FMN2: variants seen among roughly 807,000 people sequenced by gnomAD.
The protein encoded by FMN2 is formin-2.
A neutral mutation model predicts 142.3 loss-of-function variants in FMN2; 51 were observed. The ratio of observed to expected loss-of-function variants is 0.36; its 90% CI spans 0.29 to 0.45. The LOEUF is 0.45. Ranked by LOEUF, FMN2 falls within the 20% of genes least tolerant of loss-of-function variation. The probability of loss-of-function intolerance (pLI) is 1.00; values close to 1 mark genes in which losing one functional copy is unlikely to be tolerated. For synonymous variants in FMN2, 882 were observed against 869.8 expected (o/e 1.01, Z -0.25); for missense variants, 1,936 against 2,122.8 (o/e 0.91, Z 1.73).
intron 13 of FMN2, chr1:240,341,307 A>G (rs894327029): frequency 1.3e-5 from 2 of 152,148 alleles, no homozygotes; most frequent in African/African-American, 4.8e-5. Flanking sequence ...TTTCATCTGA[A>G]ATGAATTCAT....
intron 6 of FMN2, among the ~76,000 whole-genome samples, chr1:240,243,491 C>A (rs1471070519): frequency 6.6e-6 from 1 of 152,134 alleles, no homozygotes; most frequent in Admixed American, 6.5e-5. Context: ...TATTTCTTAT[C>A]GCCTTCTATT....
intron 6 of FMN2, chr1:240,245,534 G>A (rs1668048270): frequency 4.2e-6 from 2 of 471,530 alleles, no homozygotes; most frequent in South Asian, 1.5e-5. Flanking sequence ...AGCTCTAGGG[G>A]TTGTGAAATA....
At chr1:240,406,379 G>C (rs1674200341) in intron 15 of FMN2, among the ~76,000 whole-genome samples, 1 of 147,538 alleles carries the variant, frequency 6.8e-6, no homozygotes, top group South Asian at 2.2e-4. Context: ...AAGCAGCCTC[G>C]GGAGTGGGGG....
intron 8 of FMN2, among the ~76,000 whole-genome samples, chr1:240,303,531 CTTA>C (rs1670278316): frequency 6.6e-6 from 1 of 152,164 alleles, no homozygotes; most frequent in Non-Finnish European, 1.5e-5. Flanking sequence ...TGCAGAGATT[CTTA>C]TTGAGCATTT....
chr1:240,444,343 G>T (rs1282634981), intron 16 of FMN2, among the ~76,000 whole-genome samples: 2 of 152,344 alleles, frequency 1.3e-5, no homozygotes, highest in South Asian at 2.1e-4. Flanking sequence ...CGTGGAGCAA[G>T]TGTAGGATTT....
At chr1:240,132,728 C>T (rs761690165) in intron 2 of FMN2, among the ~76,000 whole-genome samples, 3 of 151,996 alleles carry the variant, frequency 2.0e-5, no homozygotes, top group Non-Finnish European at 2.9e-5. Context: ...GAGTGGGTTA[C>T]GCTCAGGATG....
chr1:240,120,748 AAG>A (rs779735212), intron 1 of FMN2, among the ~76,000 whole-genome samples: 2 of 152,226 alleles, frequency 1.3e-5, no homozygotes, highest in Non-Finnish European at 2.9e-5. Flanking sequence ...AATTTGAAGA[AAG>A]AATCTGCTAA....
chr1:240,434,125 C>T (rs1012797976), intron 15 of FMN2, among the ~76,000 whole-genome samples: 2 of 152,188 alleles, frequency 1.3e-5, no homozygotes, highest in African/African-American at 2.4e-5. Flanking sequence ...TGTTCAGTGA[C>T]ATCTGGAGTT....
chr1:240,282,578 A>T (rs1669435903), intron 7 of FMN2, among the ~76,000 whole-genome samples: 1 of 152,138 alleles, frequency 6.6e-6, no homozygotes, highest in African/African-American at 2.4e-5. Context: ...ATTACTCACG[A>T]GCGTGTGTGC....
intron 15 of FMN2, among the ~76,000 whole-genome samples, chr1:240,420,457 C>T (rs1674724191): frequency 6.6e-6 from 1 of 152,154 alleles, no homozygotes; most frequent in African/African-American, 2.4e-5. Context: ...GATCTCTTAC[C>T]CCTTTTCAGG....
intron 2 of FMN2, among the ~76,000 whole-genome samples, chr1:240,130,034 T>C (rs1662673119): frequency 6.6e-6 from 1 of 152,324 alleles, no homozygotes; most frequent in Admixed American, 6.5e-5. Context: ...ATAGTTACAC[T>C]ATTAGTGTCT....
chr1:240,401,702 TA>T (rs1226734764), intron 15 of FMN2, among the ~76,000 whole-genome samples: 18 of 152,242 alleles, frequency 1.2e-4, no homozygotes, highest in Admixed American at 1.2e-3. Flanking sequence ...AAGGATCATA[TA>T]ATAACTGAAC....
chr1:240,132,407 A>G (rs1430391086), intron 2 of FMN2, among the ~76,000 whole-genome samples: 1 of 152,064 alleles, frequency 6.6e-6, no homozygotes, highest in Non-Finnish European at 1.5e-5. Flanking sequence ...AGAGAGAATG[A>G]ATTCATTGGT....
chr1:240,273,246 A>T (rs10158609), intron 7 of FMN2, among the ~76,000 whole-genome samples: 100,029 of 152,134 alleles, frequency 0.66, 33,200 homozygotes, highest in East Asian at 0.85. Context: ...GATAGACAAT[A>T]GCTGATCATA....
Position 240,328,494 on chromosome 1 carries a change from G to T in FMN2, c.4216-582G>T, listed in dbSNP as rs1388227743. 4.0e-5 allele frequency among the ~76,000 whole-genome samples: 6 copies of T among 151,738 alleles called. No individual in the cohort carries two copies. In the South Asian group the frequency reaches 6.3e-4, roughly 16 times the overall value. On this transcript the variant is annotated intron_variant, in intron 8 of 17. Transcript: ENST00000319653. ...AATAAACATTTCTCAGATCACTAAT[G>T]GTCAATAACATTATTTGGAAGATTT...
intron 8 of FMN2, among the ~76,000 whole-genome samples, chr1:240,299,105 A>G (rs1194726524): frequency 1.3e-5 from 2 of 151,660 alleles, no homozygotes; most frequent in Admixed American, 1.3e-4. Context: ...CCACCGCCAC[A>G]CCGGGCTAAT....
intron 2 of FMN2, among the ~76,000 whole-genome samples, chr1:240,157,622 G>A (rs1442816680): frequency 6.6e-6 from 1 of 151,968 alleles, no homozygotes; most frequent in African/African-American, 2.4e-5. Context: ...AAGGAATGAA[G>A]GAAGGAAAGA....
At position 240,277,300 on chromosome 1, in the gene FMN2, A is replaced by C. The variant is rs192445257; in HGVS notation, c.4154-17522A>C. On this transcript the variant is annotated intron_variant, in intron 7 of 17. Coordinates refer to ENST00000319653, the MANE Select transcript of FMN2 (RefSeq NM_020066.5). ...ACATTAATTATTTCATTAGAAAAATATATTTCTTCTAATTCTTAGAATTTT... is the reference window on the plus strand; with the variant it reads ...ACATTAATTATTTCATTAGAAAAATCTATTTCTTCTAATTCTTAGAATTTT... Among the ~76,000 whole-genome samples, 5 of 152,174 alleles carry C rather than the reference A, an allele frequency of 3.3e-5. No homozygotes were observed. In the East Asian group the frequency reaches 9.7e-4, roughly 29 times the overall value.
intron 7 of FMN2, among the ~76,000 whole-genome samples, chr1:240,278,545 C>T (rs974445798): frequency 1.2e-4 from 19 of 152,034 alleles, no homozygotes; most frequent in African/African-American, 4.6e-4. Flanking sequence ...CTTTCCTCAG[C>T]TAGAAGAGAC....
Sources: gnomAD v4.1 joint callset for allele counts (sites outside exome capture counted in the v4.1 genomes callset) on GRCh38, gnomAD v4.1.1 for gene constraint, MANE v1.5 for transcripts, NCBI Gene and HGNC (gene_info 2026-07-23, HGNC 2026-07-21) for gene names.